Variants in CNTLN observed in about 807,000 individuals in gnomAD.
CNTLN encodes centlein.
CNTLN carries 212 observed loss-of-function variants against 180.0 expected under a neutral mutation model. That is an observed-to-expected ratio of 1.18 (90% CI 1.05 to 1.32). The LOEUF is 1.32. CNTLN is among the 40% of genes most tolerant of loss of function. The probability of loss-of-function intolerance (pLI) is 0.00; values close to 1 mark genes in which losing one functional copy is unlikely to be tolerated. For synonymous variants in CNTLN, 722 were observed against 563.1 expected (o/e 1.28, Z -3.99); for missense variants, 2,095 against 1,610.9 (o/e 1.30, Z -5.14).
chr9:17,155,820 G>A (rs1207678823), intron 2 of CNTLN, among the ~76,000 whole-genome samples: 2 of 152,116 alleles, frequency 1.3e-5, no homozygotes, highest in African/African-American at 4.8e-5. Context: ...TTCGGTGTCT[G>A]CCCAATTGGC....
chr9:17,368,659 G>A (rs1018764895), intron 13 of CNTLN, among the ~76,000 whole-genome samples: 2 of 152,196 alleles, frequency 1.3e-5, no homozygotes, highest in African/African-American at 4.8e-5. Flanking sequence ...AAGAGAGAGA[G>A]ACTCTGTTTG....
chr9:17,148,885 A>G (rs1818640377), intron 2 of CNTLN, among the ~76,000 whole-genome samples: 1 of 152,118 alleles, frequency 6.6e-6, no homozygotes, highest in Non-Finnish European at 1.5e-5. Flanking sequence ...TTTGTTATGT[A>G]GGTATACATG....
chr9:17,296,507 T>C (rs1817948628), intron 6 of CNTLN, among the ~76,000 whole-genome samples: 1 of 152,308 alleles, frequency 6.6e-6, no homozygotes, highest in East Asian at 1.9e-4. Context: ...ATGTCTCTTT[T>C]CTAAATGTGA....
rs368127643 is a variant in CNTLN, at chr9:17,223,119, C to T, written c.450-3084C>T. On this transcript the variant is annotated intron_variant, in intron 2 of 25. Transcript: ENST00000380647. The stretch of plus-strand genomic sequence containing the variant: ...GTGTTTATAGCATGGATACTTTCGA[C>T]AAAGAGATGATTCATGTCCTACGTG... Among the ~76,000 whole-genome samples the T allele has an allele frequency of 3.0e-3, 460 of 152,082 alleles. 4 individuals carry two copies. Among genetic ancestry groups the T allele is most frequent in the African/African-American group, 0.011 (440 of 41,508 alleles).
At chr9:17,484,161 A>G in intron 23 of CNTLN, 134 bp from the exon 24 acceptor site, 5 of 710,928 alleles carry the variant, frequency 7.0e-6, no homozygotes, top group Non-Finnish European at 1.2e-5. Flanking sequence ...AATCCACTAT[A>G]TTCCAGAGTA....
chr9:17,266,421 G>A (rs928504045), intron 5 of CNTLN, among the ~76,000 whole-genome samples: 2 of 152,102 alleles, frequency 1.3e-5, no homozygotes, highest in African/African-American at 2.4e-5. Flanking sequence ...TATAATTTCT[G>A]TTCTTTTACA....
chr9:17,365,878 A>G (rs1273680999), intron 12 of CNTLN, among the ~76,000 whole-genome samples: 1 of 152,124 alleles, frequency 6.6e-6, no homozygotes, highest in Non-Finnish European at 1.5e-5. Flanking sequence ...CCTGGGAGGT[A>G]GGGGCTGCAG....
chr9:17,240,377 T>A (rs1394532528), intron 5 of CNTLN, among the ~76,000 whole-genome samples: 1 of 152,158 alleles, frequency 6.6e-6, no homozygotes, highest in Admixed American at 6.5e-5. Context: ...TAAGACTTTC[T>A]ACGTATCATA....
intron 5 of CNTLN, among the ~76,000 whole-genome samples, chr9:17,244,167 C>A (rs1388648756): frequency 6.6e-6 from 1 of 150,450 alleles, no homozygotes. Context: ...ATTTTTTTCA[C>A]CCTTTTATTT....
At chr9:17,135,714 C>G (rs1229565058) in intron 1 of CNTLN, among the ~76,000 whole-genome samples, 1 of 152,206 alleles carries the variant, frequency 6.6e-6, no homozygotes, top group African/African-American at 2.4e-5. Context: ...CTCCGCTTCC[C>G]CCCCAAGCCC....
intron 2 of CNTLN, among the ~76,000 whole-genome samples, chr9:17,223,308 A>G (rs141837354): frequency 7.2e-5 from 11 of 152,148 alleles, no homozygotes; most frequent in African/African-American, 2.6e-4. Flanking sequence ...GTAAGGGGGA[A>G]CTACGGTATT....
intron 5 of CNTLN, among the ~76,000 whole-genome samples, chr9:17,258,912 A>G (rs956249610): frequency 2.7e-5 from 4 of 148,676 alleles, no homozygotes; most frequent in African/African-American, 7.7e-5. Context: ...CATTCATGTC[A>G]TCTGCAAACA....
chr9:17,345,232 C>T (rs1313694549), intron 12 of CNTLN, among the ~76,000 whole-genome samples: 2 of 152,150 alleles, frequency 1.3e-5, no homozygotes, highest in Non-Finnish European at 2.9e-5. Flanking sequence ...AGTTGCATTA[C>T]ATTCTGTAGA....
At position 17,135,308 on chromosome 9, in the gene CNTLN, C is replaced by T. The variant is rs751218462; in HGVS notation, c.243C>T (p.Ser81=). 3 of 1,601,238 alleles carry T rather than the reference C, an allele frequency of 1.9e-6. No individual in the cohort carries two copies. Among genetic ancestry groups the T allele is most frequent in the East Asian group, 4.5e-5 (2 of 44,424 alleles). The stretch of plus-strand genomic sequence containing the variant: ...CTCCGGCTCATGCTCCCCTCCTCAG[C>T]GCGCCCATGGGGTCCAGACGGCTAG... ...GAAPAHAPLL[S]APMGSRRLEG... Residue 81 remains serine (S), a synonymous_variant, in exon 1 of 26, where the codon AGC becomes AGT. Coordinates refer to ENST00000380647, the MANE Select transcript of CNTLN (RefSeq NM_017738.4).
chr9:17,466,554 T>G (rs1194450036), intron 22 of CNTLN, 152 bp from the exon 23 acceptor site: 1 of 619,448 alleles, frequency 1.6e-6, no homozygotes, highest in African/African-American at 1.9e-5. Context: ...GGATGTTTTA[T>G]TGAAAGTTAA....
chr9:17,198,388 T>TTC (rs1413393457), intron 2 of CNTLN, among the ~76,000 whole-genome samples: 2 of 130,026 alleles, frequency 1.5e-5, no homozygotes, highest in African/African-American at 6.4e-5. Flanking sequence ...TTTTCTTTCT[T>TTC]TTTTTTTTTT....
intron 25 of CNTLN, among the ~76,000 whole-genome samples, chr9:17,489,313 A>G: frequency 6.6e-6 from 1 of 152,136 alleles, no homozygotes; most frequent in South Asian, 2.1e-4. Context: ...TTTATGGCTT[A>G]TTGCTCATTG....
At chr9:17,200,867 T>G (rs1563874169) in intron 2 of CNTLN, among the ~76,000 whole-genome samples, 1 of 152,324 alleles carries the variant, frequency 6.6e-6, no homozygotes, top group East Asian at 1.9e-4. Context: ...TCCAATACTA[T>G]GATAAATTGG....
At position 17,141,537 on chromosome 9, in the gene CNTLN, T is replaced by C. The variant is rs186747113; in HGVS notation, c.361-1751T>C. Among the ~76,000 whole-genome samples the C allele has an allele frequency of 2.0e-5, 3 of 152,232 alleles. No homozygotes were observed. In the East Asian group the frequency reaches 5.8e-4, roughly 29 times the overall value. On this transcript the variant is annotated intron_variant, in intron 1 of 25. Coordinates refer to ENST00000380647, the MANE Select transcript of CNTLN (RefSeq NM_017738.4). ...ACAGATGAGGTTGGGGAGGTGTATA[T>C]GGGCCAGGCCATATGGAGTCTTGTA...
Sources: allele counts gnomAD v4.1 joint callset (sites outside exome capture counted in the v4.1 genomes callset), GRCh38; gene constraint gnomAD v4.1.1; transcripts MANE v1.5; gene names NCBI Gene and HGNC (gene_info 2026-07-23, HGNC 2026-07-21).